Variants in APBA2 observed in about 807,000 individuals in gnomAD.
The protein encoded by APBA2 is amyloid-beta A4 precursor protein-binding family A member 2.
In APBA2, 30 loss-of-function variants were observed where a neutral mutation model predicts 75.0. The ratio of observed to expected loss-of-function variants is 0.40; its 90% CI spans 0.30 to 0.54. The LOEUF (loss-of-function observed/expected upper bound fraction) is 0.54, where lower values mean the gene tolerates loss of function less well. Among genes scored for constraint, APBA2 ranks in the 20% least tolerant of loss-of-function variants. The pLI is 0.49. For missense variants in APBA2, 801 were observed against 1,016.1 expected (o/e 0.79, Z 2.88); for synonymous variants, 444 against 409.6 (o/e 1.08, Z -1.01).
intron 2 of APBA2, among the ~76,000 whole-genome samples, chr15:28,978,008 A>G (rs1316140241): frequency 2.0e-5 from 3 of 152,186 alleles, no homozygotes; most frequent in East Asian, 3.9e-4. Flanking sequence ...GGCTGCATCT[A>G]TTGTCCAAAG....
At chr15:29,014,939 T>A (rs780944587) in intron 3 of APBA2, among the ~76,000 whole-genome samples, 1 of 152,144 alleles carries the variant, frequency 6.6e-6, no homozygotes, top group African/African-American at 2.4e-5. Context: ...CTCCATTTCC[T>A]TCAAAATCAC....
At chr15:29,081,482 CT>C (rs2043081153) in intron 6 of APBA2, among the ~76,000 whole-genome samples, 1 of 152,210 alleles carries the variant, frequency 6.6e-6, no homozygotes, top group African/African-American at 2.4e-5. Context: ...CAGAATAGTG[CT>C]TGTATCAGAC....
intron 4 of APBA2, among the ~76,000 whole-genome samples, chr15:29,058,388 G>A (rs935373126): frequency 6.6e-5 from 10 of 152,078 alleles, no homozygotes; most frequent in African/African-American, 2.4e-4. Flanking sequence ...GTGTGCACCA[G>A]TAATCCCAGC....
intron 6 of APBA2, among the ~76,000 whole-genome samples, chr15:29,081,012 T>G (rs1020294689): frequency 3.3e-5 from 5 of 152,184 alleles, no homozygotes; most frequent in African/African-American, 1.2e-4. Flanking sequence ...CTCATCAACT[T>G]GCCCAGCTCC....
At chr15:28,899,231 C>T (rs548676438) in intron 1 of APBA2, among the ~76,000 whole-genome samples, 1 of 152,354 alleles carries the variant, frequency 6.6e-6, no homozygotes, top group South Asian at 2.1e-4. Context: ...CCCAACCCCT[C>T]AGGTCCCCAG....
At chr15:29,116,771 T>TAGA (rs754139906) in intron 14 of APBA2, among the ~76,000 whole-genome samples, 3 of 152,228 alleles carry the variant, frequency 2.0e-5, no homozygotes, top group Non-Finnish European at 2.9e-5. Context: ...TTGTCACCAC[T>TAGA]AGAAGTCCAA....
At chr15:28,933,033 A>G (rs2034645409) in intron 2 of APBA2, among the ~76,000 whole-genome samples, 1 of 152,140 alleles carries the variant, frequency 6.6e-6, no homozygotes, top group Admixed American at 6.6e-5. Flanking sequence ...AAGGCATCAT[A>G]TAGTGAGCGA....
chr15:28,899,712 C>A (rs560761313), intron 1 of APBA2, among the ~76,000 whole-genome samples: 5 of 152,324 alleles, frequency 3.3e-5, no homozygotes, highest in South Asian at 4.1e-4. Context: ...AGCGTGCTAT[C>A]TGCGGGCTGT....
intron 3 of APBA2, among the ~76,000 whole-genome samples, chr15:29,033,778 G>T (rs1051291574): frequency 2.6e-5 from 4 of 151,866 alleles, no homozygotes; most frequent in South Asian, 2.1e-4. Context: ...GGCTAATAAC[G>T]GTGAAACCCC....
chr15:29,048,936 A>G (rs2041471983), intron 3 of APBA2, among the ~76,000 whole-genome samples: 2 of 149,048 alleles, frequency 1.3e-5, no homozygotes, highest in African/African-American at 5.1e-5. Flanking sequence ...AGCAAGACTC[A>G]GTCTCAAAAA....
At chr15:29,096,137 C>T (rs557325532) in intron 8 of APBA2, among the ~76,000 whole-genome samples, 2 of 152,356 alleles carry the variant, frequency 1.3e-5, no homozygotes, top group Admixed American at 6.5e-5. Flanking sequence ...CTGAAGGTCC[C>T]TTTCCTGGCC....
chr15:28,921,053 C>T (rs1780776093), intron 1 of APBA2, among the ~76,000 whole-genome samples: 2 of 152,252 alleles, frequency 1.3e-5, no homozygotes, highest in South Asian at 4.1e-4. Context: ...AGCACGTGGG[C>T]ACCATCACCC....
intron 3 of APBA2, among the ~76,000 whole-genome samples, chr15:29,038,427 T>A (rs2040853918): frequency 6.6e-6 from 1 of 152,168 alleles, no homozygotes; most frequent in South Asian, 2.1e-4. Flanking sequence ...AAAATAATTG[T>A]GCATTTTTCC....
intron 2 of APBA2, among the ~76,000 whole-genome samples, chr15:28,922,548 A>C (rs1010872893): frequency 6.6e-6 from 1 of 152,194 alleles, no homozygotes; most frequent in Non-Finnish European, 1.5e-5. Flanking sequence ...AGTGCAGTGC[A>C]CAATGGGGCC....
Position 29,057,018 on chromosome 15 carries a change from G to C in APBA2, c.951+2183G>C, listed in dbSNP as rs557406585. Among the ~76,000 whole-genome samples, 17 of 152,232 alleles carry C rather than the reference G, an allele frequency of 1.1e-4. No individual in the cohort carries two copies. The South Asian group carries it at 1.5e-3, about 13-fold the overall frequency. ...CTCCCCTGGGGGACAGCCAGGCCGT[G>C]CCAGGAGCCAACAAAGGCCTGGCCT... On this transcript the variant is annotated intron_variant, in intron 4 of 14. Transcript: ENST00000683413.
intron 1 of APBA2, among the ~76,000 whole-genome samples, chr15:28,894,294 T>C (rs1386014474): frequency 2.6e-5 from 4 of 152,194 alleles, no homozygotes; most frequent in African/African-American, 7.2e-5. Context: ...TCTGAGCAGC[T>C]ACTGTATTCC....
intron 6 of APBA2, among the ~76,000 whole-genome samples, chr15:29,077,266 G>A (rs916333920): frequency 6.6e-6 from 1 of 152,176 alleles, no homozygotes; most frequent in Admixed American, 6.5e-5. Flanking sequence ...GTTTGATTGG[G>A]TTCCTGGTTT....
chr15:28,892,705 T>G (rs2032219494), intron 1 of APBA2, among the ~76,000 whole-genome samples: 1 of 150,992 alleles, frequency 6.6e-6, no homozygotes, highest in Non-Finnish European at 1.5e-5. Flanking sequence ...ATATATAAAA[T>G]TTTTTTTATT....
chr15:28,887,015 C>T (rs141614926), intron 1 of APBA2, among the ~76,000 whole-genome samples: 2,766 of 152,342 alleles, frequency 0.018, 42 homozygotes, highest in Non-Finnish European at 0.027. Flanking sequence ...TGTGCCCAGG[C>T]GGGGAGGGGG....
Sources: allele counts gnomAD v4.1 joint callset (sites outside exome capture counted in the v4.1 genomes callset), GRCh38; gene constraint gnomAD v4.1.1; transcripts MANE v1.5; gene names NCBI Gene and HGNC (gene_info 2026-07-23, HGNC 2026-07-21).